Variants in HECTD4 observed in about 807,000 individuals in gnomAD.
HECTD4 encodes the protein HECT domain E3 ubiquitin protein ligase 4.
A neutral mutation model predicts 471.5 loss-of-function variants in HECTD4; 114 were observed. The ratio of observed to expected loss-of-function variants is 0.24; its 90% CI spans 0.21 to 0.28. The LOEUF is 0.28. HECTD4 is among the 10% of genes least tolerant of loss of function. The pLI is 1.00. For missense variants in HECTD4, 3,866 were observed against 5,651.5 expected, an observed-to-expected ratio of 0.68 and a Z score of 10.13; for synonymous variants, 2,012 against 2,256.0, an observed-to-expected ratio of 0.89 and a Z score of 3.07.
chr12:112,187,501 G>A (rs942712828), intron 60 of HECTD4, among the ~76,000 whole-genome samples: 1 of 151,822 alleles, frequency 6.6e-6, no homozygotes, highest in Admixed American at 6.6e-5. Context: ...GCCTCCCAAA[G>A]TGCTGGGATT....
Position 112,235,257 on chromosome 12 carries a change from G to A in HECTD4, c.5735C>T (p.Thr1912Ile). The A allele has an allele frequency of 2.5e-6, 4 of 1,612,224 alleles. No individual in the cohort carries two copies. The South Asian group carries it at 4.4e-5, about 18-fold the overall frequency. The stretch of plus-strand genomic sequence containing the variant: ...TTCAGAAGCGGTTGGAGAAAGAACT[G>A]TCTGACATCCTTTAAGCAAAAAACA... The part of the protein sequence containing the change: ...LADYVVPGCQ[T>I]VLSPTASEPD... The change falls in exon 37 of 76, where the codon ACA (threonine) becomes ATA (isoleucine). Residue 1912 changes from threonine to isoleucine, a missense_variant. By Grantham distance (89) the Thr-to-Ile change is moderately conservative (BLOSUM62 -1). This residue lies in a region of HECTD4 where 617 missense variants were observed against 915.1 expected (regional missense o/e 0.67). Transcript: ENST00000682272. The surrounding 1 kb of genome is among the most constrained non-coding windows in gnomAD (Gnocchi z 5.0).
rs1360956340 is a variant in HECTD4, at chr12:112,324,051, T to C, written c.178-4309A>G. Among the ~76,000 whole-genome samples the C allele has an allele frequency of 3.2e-4, 21 of 64,790 alleles. 1 individual carries two copies. Among genetic ancestry groups the C allele is most frequent in the African/African-American group, 2.5e-3 (20 of 8,018 alleles). 42.5% of individuals were successfully genotyped at this position (64,790 alleles called of 152,430 possible). ...CTTCCTTCCTTCCTTCCTTCCTTTCTTTCTTTCTTTCTTTCTTTCTTTCTT... is the reference window on the plus strand; with the variant it reads ...CTTCCTTCCTTCCTTCCTTCCTTTCCTTCTTTCTTTCTTTCTTTCTTTCTT... On this transcript the variant is annotated intron_variant, in intron 1 of 75. Coordinates refer to ENST00000682272, the MANE Select transcript of HECTD4 (RefSeq NM_001388303.1).
intron 18 of HECTD4, among the ~76,000 whole-genome samples, chr12:112,259,931 AT>A (rs1033651124): frequency 6.6e-6 from 1 of 152,002 alleles, no homozygotes; most frequent in African/African-American, 2.4e-5. Context: ...AAGCAGGCAG[AT>A]TTCTTCCCCC....
chr12:112,335,423 C>T (rs944990189), intron 1 of HECTD4, among the ~76,000 whole-genome samples: 2 of 151,896 alleles, frequency 1.3e-5, no homozygotes, highest in South Asian at 2.1e-4. Context: ...CTATAAATTG[C>T]GGCTCATGCC....
At position 112,214,276 on chromosome 12, in the gene HECTD4, G is replaced by C. The variant is rs566412054; in HGVS notation, c.7466-1626C>G. Among the ~76,000 whole-genome samples, 4 of 152,312 alleles carry C rather than the reference G, an allele frequency of 2.6e-5. No individual in the cohort carries two copies. The South Asian group carries it at 6.2e-4, about 24-fold the overall frequency. On this transcript the variant is annotated intron_variant, in intron 48 of 75. Coordinates refer to ENST00000682272, the MANE Select transcript of HECTD4 (RefSeq NM_001388303.1). ...TTACATCAGCTGCCTCAAGCAAGCT[G>C]CTAGCACGTGTGGCCTTATAATTTA...
At chr12:112,202,081 G>A (rs1344706407) in intron 54 of HECTD4, among the ~76,000 whole-genome samples, 1 of 152,138 alleles carries the variant, frequency 6.6e-6, no homozygotes, top group African/African-American at 2.4e-5. Flanking sequence ...AAGGCAGTGG[G>A]AGATTAACAG....
At chr12:112,217,335 A>G (rs1810300160) in intron 45 of HECTD4, 140 bp from the exon 46 acceptor site, 2 of 463,578 alleles carry the variant, frequency 4.3e-6, no homozygotes. Context: ...ACACACACAC[A>G]TACACACACA....
intron 7 of HECTD4, among the ~76,000 whole-genome samples, chr12:112,293,243 T>C (rs1231499360): frequency 6.7e-6 from 1 of 150,242 alleles, no homozygotes; most frequent in Non-Finnish European, 1.5e-5. Flanking sequence ...GTGGTGCCTG[T>C]AATCCCAGCT....
At chr12:112,187,524 C>T (rs1283167579) in intron 60 of HECTD4, among the ~76,000 whole-genome samples, 1 of 151,490 alleles carries the variant, frequency 6.6e-6, no homozygotes, top group East Asian at 1.9e-4. Flanking sequence ...AGGCGTGAGA[C>T]ACCAGGCCCG....
chr12:112,298,480 ATTTTTT>A (rs199649818), intron 7 of HECTD4, among the ~76,000 whole-genome samples: 1 of 132,794 alleles, frequency 7.5e-6, no homozygotes, highest in African/African-American at 2.8e-5. Context: ...AATTATATTA[ATTTTTT>A]TTTTTTTTTT....
chr12:112,228,392 AC>A lies in HECTD4; in HGVS notation c.6685-135del, dbSNP rs2033294827. ...AAATAAAATCACCATACAGAAAACT[AC>A]AAACCACATCAAAACAATTAAAAAT... On this transcript the variant is annotated intron_variant, in intron 42 of 75. Transcript: ENST00000682272. This position sits in a 1 kb window ranked among gnomAD's most constrained non-coding sequence, Gnocchi z 4.9. 9.8e-7 allele frequency: 1 copy of A among 1,018,916 alleles called. No homozygotes were observed. Among genetic ancestry groups the A allele is most frequent in the South Asian group, 2.2e-5 (1 of 46,302 alleles). 63.1% of individuals were successfully genotyped at this position (1,018,916 alleles called of 1,614,324 possible). A position where few individuals can be genotyped will look rare whatever the true frequency, so the allele number is the denominator to read the frequency against.
In HECTD4 at chr12:112,306,242, T is replaced by C. The variant is rs1174614347; in HGVS notation, c.1165-8A>G. 6.6e-7 allele frequency: 1 copy of C among 1,521,778 alleles called. No homozygotes were observed. Among genetic ancestry groups the C allele is most frequent in the Non-Finnish European group, 8.8e-7 (1 of 1,137,608 alleles). The allele number at this position is 1,521,778 out of a possible 1,614,324, so 94.3% of individuals were successfully genotyped here. A position where few individuals can be genotyped will look rare whatever the true frequency, so the allele number is the denominator to read the frequency against. On this transcript the variant is annotated splice_polypyrimidine_tract_variant and splice_region_variant and intron_variant, in intron 6 of 75. Transcript: ENST00000682272. ...TGGCACCACCTGGCACACCTGGGCA[T>C]GAAAGGGAGGAAATCTCCATTAGAG...
intron 49 of HECTD4, among the ~76,000 whole-genome samples, chr12:112,211,123 G>A (rs1233876923): frequency 6.6e-6 from 1 of 152,108 alleles, no homozygotes; most frequent in Non-Finnish European, 1.5e-5. Context: ...AGGCCGAGGT[G>A]GGCGGATCAT....
At chr12:112,208,070 A>G in intron 51 of HECTD4, 70 bp from the exon 52 acceptor site, 1 of 1,542,192 alleles carries the variant, frequency 6.5e-7, no homozygotes, top group Admixed American at 1.9e-5. Flanking sequence ...TCCCTAACTT[A>G]CAGCCCTCAC....
At chr12:112,315,503 G>A (rs2035461160) in intron 2 of HECTD4, among the ~76,000 whole-genome samples, 1 of 152,080 alleles carries the variant, frequency 6.6e-6, no homozygotes, top group African/African-American at 2.4e-5. Context: ...TTGGAATCGG[G>A]ACACATGGGT....
rs773596212 is a variant in HECTD4, at chr12:112,369,197, A to T, written c.177+12755T>A. 2.0e-5 allele frequency among the ~76,000 whole-genome samples: 3 copies of T among 152,208 alleles called. No individual in the cohort carries two copies. The East Asian group carries it at 5.8e-4, about 29-fold the overall frequency. On this transcript the variant is annotated intron_variant, in intron 1 of 75. Coordinates refer to ENST00000682272, the MANE Select transcript of HECTD4 (RefSeq NM_001388303.1). ...AAGAGAGGTGCTCTGAAGTGAACTC[A>T]TAAGAGCTGGATGGCACTGACAGAA...
chr12:112,249,914 C>A, intron 25 of HECTD4: 1 of 542,352 alleles, frequency 1.8e-6, no homozygotes, highest in South Asian at 2.1e-5. Flanking sequence ...GTCCAAGAAC[C>A]AACAAGTTCC....
chr12:112,186,985 TTTTG>T (rs1377793393), intron 60 of HECTD4, among the ~76,000 whole-genome samples: 1 of 147,040 alleles, frequency 6.8e-6, no homozygotes, highest in Non-Finnish European at 1.5e-5. Flanking sequence ...GCATATTCTT[TTTTG>T]TTTTTTTGAG....
chr12:112,291,979 T>A (rs1200038208), intron 7 of HECTD4, among the ~76,000 whole-genome samples: 1 of 152,180 alleles, frequency 6.6e-6, no homozygotes. Flanking sequence ...TCTCTTTAAG[T>A]CTCTTCTGGC....
Sources: allele counts gnomAD v4.1 joint callset (sites outside exome capture counted in the v4.1 genomes callset), GRCh38; gene constraint gnomAD v4.1.1; regional missense constraint gnomAD v4.1.1; non-coding constraint Gnocchi (gnomAD v3.1); transcripts MANE v1.5; gene names NCBI Gene and HGNC (gene_info 2026-07-23, HGNC 2026-07-21).